Variants in PAFAH1B1 observed in about 807,000 individuals in gnomAD.
PAFAH1B1 encodes platelet-activating factor acetylhydrolase IB subunit beta.
A neutral mutation model predicts 57.5 loss-of-function variants in PAFAH1B1; 2 were observed. That is an observed-to-expected ratio of 0.03 (90% CI 0.01 to 0.11). PAFAH1B1 has a LOEUF of 0.11. Ranked by LOEUF, PAFAH1B1 falls within the 10% of genes least tolerant of loss-of-function variation. The probability of loss-of-function intolerance (pLI) is 1.00; values close to 1 mark genes in which losing one functional copy is unlikely to be tolerated. For synonymous variants in PAFAH1B1, 152 were observed against 169.6 expected (o/e 0.90, Z 0.81); for missense variants, 257 against 512.0 (o/e 0.50, Z 4.81).
chr17:2,617,566 A>G (rs976412826), intron 1 of PAFAH1B1, among the ~76,000 whole-genome samples: 2 of 152,112 alleles, frequency 1.3e-5, no homozygotes, highest in African/African-American at 4.8e-5. Context: ...AGCAGATGCT[A>G]GTGAATCATA....
intron 7 of PAFAH1B1, among the ~76,000 whole-genome samples, chr17:2,673,447 G>C (rs1008464882): frequency 3.9e-5 from 6 of 152,054 alleles, no homozygotes; most frequent in African/African-American, 1.4e-4. Flanking sequence ...AGACCGTCCT[G>C]GCTAACACGA....
intron 8 of PAFAH1B1, 22 bp from the exon 9 acceptor site, chr17:2,676,483 A>T (rs1597577238): frequency 6.7e-7 from 1 of 1,489,690 alleles, no homozygotes; most frequent in East Asian, 2.3e-5. Flanking sequence ...GGGAAACTTA[A>T]TTTTTATTAT....
At chr17:2,670,495 A>T in intron 6 of PAFAH1B1, 164 bp downstream of exon 6, 1 of 670,346 alleles carries the variant, frequency 1.5e-6, no homozygotes, top group South Asian at 1.8e-5. Flanking sequence ...ACAGTAGTTG[A>T]GAGTGCTTTC....
intron 1 of PAFAH1B1, among the ~76,000 whole-genome samples, chr17:2,601,593 C>A (rs183067426): frequency 6.6e-6 from 1 of 152,168 alleles, no homozygotes; most frequent in Non-Finnish European, 1.5e-5. Context: ...AGGTGCCTGC[C>A]GGCATACCTG....
At chr17:2,655,364 T>A (rs2068923217) in intron 2 of PAFAH1B1, among the ~76,000 whole-genome samples, 1 of 151,936 alleles carries the variant, frequency 6.6e-6, no homozygotes, top group Non-Finnish European at 1.5e-5. Flanking sequence ...TTCTAGAGAA[T>A]TGTATTAGAA....
At chr17:2,653,887 C>T (rs1335227993) in intron 2 of PAFAH1B1, among the ~76,000 whole-genome samples, 1 of 152,174 alleles carries the variant, frequency 6.6e-6, no homozygotes, top group Non-Finnish European at 1.5e-5. Context: ...CGGCTTACTG[C>T]AACCTCCACC....
intron 1 of PAFAH1B1, among the ~76,000 whole-genome samples, chr17:2,601,122 A>G (rs998868513): frequency 2.6e-5 from 4 of 151,874 alleles, no homozygotes; most frequent in Non-Finnish European, 5.9e-5. Flanking sequence ...ATACATGAAT[A>G]TTTATTTATT....
At chr17:2,612,013 G>A (rs1450600120) in intron 1 of PAFAH1B1, among the ~76,000 whole-genome samples, 1 of 152,086 alleles carries the variant, frequency 6.6e-6, no homozygotes, top group Admixed American at 6.6e-5. Context: ...GCTTGCTAAT[G>A]ATGTTTAAAT....
At chr17:2,626,937 A>G (rs998463908) in intron 1 of PAFAH1B1, among the ~76,000 whole-genome samples, 3 of 151,430 alleles carry the variant, frequency 2.0e-5, no homozygotes, top group South Asian at 2.1e-4. Context: ...TTTTGATGGG[A>G]TTGTTTGTTT....
chr17:2,654,207 TA>T (rs1178907875), intron 2 of PAFAH1B1, among the ~76,000 whole-genome samples: 60 of 102,766 alleles, frequency 5.8e-4, no homozygotes, highest in Admixed American at 9.0e-4. Flanking sequence ...TTTTTTTTTT[TA>T]AAGACAGTTT....
intron 2 of PAFAH1B1, among the ~76,000 whole-genome samples, chr17:2,645,607 T>A (rs1489137782): frequency 3.2e-4 from 45 of 141,670 alleles, no homozygotes; most frequent in East Asian, 2.7e-3. Context: ...ATATATATAT[T>A]TATATATATA....
chr17:2,636,788 A>G (rs1373519982), intron 1 of PAFAH1B1, among the ~76,000 whole-genome samples: 4 of 152,038 alleles, frequency 2.6e-5, no homozygotes, highest in Admixed American at 6.6e-5. Flanking sequence ...CTGGAGTGCA[A>G]TGGCATGATC....
intron 3 of PAFAH1B1, 63 bp from the exon 4 acceptor site, chr17:2,665,953 G>T (rs2069101752): frequency 7.5e-7 from 1 of 1,339,008 alleles, no homozygotes; most frequent in Non-Finnish European, 1.0e-6. Flanking sequence ...AAAGATGAAT[G>T]ATCTTTGTCT....
intron 8 of PAFAH1B1, among the ~76,000 whole-genome samples, chr17:2,675,011 T>A (rs1309834101): frequency 6.6e-6 from 1 of 152,178 alleles, no homozygotes; most frequent in Non-Finnish European, 1.5e-5. Context: ...CTAAAACTTT[T>A]GTTTGTTTTT....
intron 1 of PAFAH1B1, among the ~76,000 whole-genome samples, chr17:2,602,556 A>G (rs1480512646): frequency 6.6e-6 from 1 of 152,078 alleles, no homozygotes; most frequent in East Asian, 1.9e-4. Flanking sequence ...TACCATTACT[A>G]CTACTACCAT....
At chr17:2,629,565 G>A (rs2068531578) in intron 1 of PAFAH1B1, among the ~76,000 whole-genome samples, 1 of 152,128 alleles carries the variant, frequency 6.6e-6, no homozygotes, top group Non-Finnish European at 1.5e-5. Flanking sequence ...TGTGGTTATT[G>A]GATGAGATGT....
chr17:2,662,528 C>G (rs1023525369), intron 2 of PAFAH1B1, among the ~76,000 whole-genome samples: 4 of 151,546 alleles, frequency 2.6e-5, no homozygotes, highest in Non-Finnish European at 4.4e-5. Flanking sequence ...CTCAGCCTCC[C>G]AAGTAGCTGG....
chr17:2,636,444 A>G (rs936847116), intron 1 of PAFAH1B1, among the ~76,000 whole-genome samples: 3 of 152,302 alleles, frequency 2.0e-5, no homozygotes, highest in African/African-American at 4.8e-5. Context: ...CTCAGGGCTC[A>G]TGTTCGTTTT....
intron 1 of PAFAH1B1, chr17:2,614,030 T>G (rs1210506598): frequency 1.4e-5 from 2 of 143,900 alleles, no homozygotes; most frequent in South Asian, 3.9e-4. Flanking sequence ...GGTTTTTTTT[T>G]TTTTTTTTTT....
Sources: gnomAD v4.1 joint callset for allele counts (sites outside exome capture counted in the v4.1 genomes callset) on GRCh38, gnomAD v4.1.1 for gene constraint, MANE v1.5 for transcripts, NCBI Gene and HGNC (gene_info 2026-07-23, HGNC 2026-07-21) for gene names.